The following ITGA6 variants were observed in gnomAD, a reference collection of about 807,000 sequenced individuals.
ITGA6 encodes the protein integrin alpha-6.
Under a neutral mutation model 133.6 loss-of-function variants are expected in ITGA6, and 63 were observed. The ratio of observed to expected loss-of-function variants is 0.47; its 90% CI spans 0.38 to 0.58. The LOEUF is 0.58. Among genes scored for constraint, ITGA6 ranks in the 20% least tolerant of loss-of-function variants. The pLI is 0.00. For synonymous variants in ITGA6, 434 were observed against 482.0 expected (o/e 0.90, Z 1.30); for missense variants, 1,068 against 1,309.4 (o/e 0.82, Z 2.85).
intron 1 of ITGA6, among the ~76,000 whole-genome samples, chr2:172,464,056 A>G (rs904280339): frequency 3.3e-5 from 5 of 151,956 alleles, no homozygotes; most frequent in East Asian, 1.9e-4. Flanking sequence ...TGTTCCTTCA[A>G]ATGTAGGGTG....
At chr2:172,481,983 C>G (rs1483967572) in intron 11 of ITGA6, among the ~76,000 whole-genome samples, 1 of 152,142 alleles carries the variant, frequency 6.6e-6, no homozygotes, top group African/African-American at 2.4e-5. Context: ...AACAGTGATT[C>G]TTTGACTAGG....
intron 1 of ITGA6, among the ~76,000 whole-genome samples, chr2:172,461,306 T>C (rs1345108302): frequency 6.6e-6 from 1 of 152,244 alleles, no homozygotes; most frequent in African/African-American, 2.4e-5. Context: ...GTTTCTGATA[T>C]GCTGAAATCC....
At chr2:172,473,768 A>G (rs922372953) in intron 5 of ITGA6, among the ~76,000 whole-genome samples, 1 of 152,218 alleles carries the variant, frequency 6.6e-6, no homozygotes, top group African/African-American at 2.4e-5. Context: ...TAGGGTGGAA[A>G]TTGATTCTTA....
At chr2:172,456,562 T>C (rs1685216607) in intron 1 of ITGA6, among the ~76,000 whole-genome samples, 1 of 152,198 alleles carries the variant, frequency 6.6e-6, no homozygotes, top group Non-Finnish European at 1.5e-5. Context: ...AACCTGGACA[T>C]ATGGCCAGCC....
rs547763978 is a variant in ITGA6, at chr2:172,506,205, G to A, written c.*2137G>A. The A allele has an allele frequency of 2.6e-5, 4 of 152,658 alleles. No homozygotes were observed. Among genetic ancestry groups the A allele is most frequent in the East Asian group, 1.9e-4 (1 of 5,190 alleles). The allele number at this position is 152,658 out of a possible 1,614,324, so 9.5% of individuals were successfully genotyped here. On this transcript the variant is annotated 3_prime_UTR_variant, in exon 26 of 26. Transcript: ENST00000684293. ...TTTTTATAAAAGTGTTCATTGTTTC[G>A]TAACACAGCATTGTATATGTGAAGC...
In ITGA6 at chr2:172,427,601, C is replaced by T; in HGVS notation, c.-188C>T. ...TCCAGAGAACAACGGGCTCATTCAG[C>T]GGTCGCGAGCTGCCCGCGAGGGGGA... On this transcript the variant is annotated 5_prime_UTR_variant, in exon 1 of 26. Coordinates refer to ENST00000684293, the MANE Select transcript of ITGA6 (RefSeq NM_000210.4). The T allele has an allele frequency of 7.9e-7, 1 of 1,269,134 alleles. No homozygotes were observed. Among genetic ancestry groups the T allele is most frequent in the South Asian group, 2.7e-5 (1 of 37,484 alleles). The allele number at this position is 1,269,134 out of a possible 1,614,324, so 78.6% of individuals were successfully genotyped here. A position where few individuals can be genotyped will look rare whatever the true frequency, so the allele number is the denominator to read the frequency against.
intron 24 of ITGA6, among the ~76,000 whole-genome samples, chr2:172,500,504 C>T (rs1013731467): frequency 6.6e-6 from 1 of 152,146 alleles, no homozygotes; most frequent in African/African-American, 2.4e-5. Context: ...GTGGCGGGCA[C>T]CTGTAGTCCC....
At chr2:172,472,652 A>G in intron 5 of ITGA6, 2 of 652,478 alleles carry the variant, frequency 3.1e-6, no homozygotes, top group East Asian at 2.7e-5. Context: ...GCTGGCAATG[A>G]GAGCAGCTTG....
chr2:172,460,893 C>T (rs1685403049), intron 1 of ITGA6, among the ~76,000 whole-genome samples: 1 of 152,192 alleles, frequency 6.6e-6, no homozygotes, highest in Admixed American at 6.5e-5. Context: ...TAGCTAGGGG[C>T]AGAATCTTTA....
chr2:172,472,222 C>A (rs1403034552), intron 5 of ITGA6, among the ~76,000 whole-genome samples: 3 of 152,128 alleles, frequency 2.0e-5, no homozygotes, highest in Non-Finnish European at 4.4e-5. Context: ...TACTCAGGAG[C>A]CTGAGGTAGG....
intron 9 of ITGA6, among the ~76,000 whole-genome samples, chr2:172,478,993 A>G (rs919000123): frequency 2.0e-5 from 3 of 152,196 alleles, no homozygotes; most frequent in African/African-American, 4.8e-5. Flanking sequence ...TTAAAAATGC[A>G]CATATTCTTT....
At chr2:172,451,487 T>A (rs1574338347) in intron 1 of ITGA6, among the ~76,000 whole-genome samples, 2 of 151,598 alleles carry the variant, frequency 1.3e-5, no homozygotes, top group Admixed American at 6.6e-5. Flanking sequence ...AAGGGAATGC[T>A]TATGGCAAGC....
At chr2:172,467,586 C>T (rs551582457) in intron 3 of ITGA6, 26 bp downstream of exon 3, 4 of 1,570,018 alleles carry the variant, frequency 2.5e-6, no homozygotes, top group Admixed American at 3.3e-5. Flanking sequence ...CATGTTCATC[C>T]TATACTGTTG....
At chr2:172,480,179 G>C (rs1304856823) in intron 11 of ITGA6, 128 bp downstream of exon 11, 2 of 702,634 alleles carry the variant, frequency 2.8e-6, no homozygotes, top group Non-Finnish European at 5.2e-6. Flanking sequence ...AAAGAATTAA[G>C]TGTATGTTTT....
Position 172,491,180 on chromosome 2 carries a change from G to A in ITGA6, c.2779-41G>A, listed in dbSNP as rs1235177129. 1 of 1,452,488 alleles carries A rather than the reference G, an allele frequency of 6.9e-7. No individual in the cohort carries two copies. Among genetic ancestry groups the A allele is most frequent in the East Asian group, 2.3e-5 (1 of 44,156 alleles). The allele number at this position is 1,452,488 out of a possible 1,614,324, so 90.0% of individuals were successfully genotyped here. On this transcript the variant is annotated intron_variant, in intron 21 of 25. Coordinates refer to ENST00000684293, the MANE Select transcript of ITGA6 (RefSeq NM_000210.4). This position sits in a 1 kb window ranked among gnomAD's most constrained non-coding sequence, Gnocchi z 4.4. ...GAGGATGAGGGGAAGGATTTCTTCA[G>A]AACAATGTCTTTTGATGACCATTCT...
rs1019898089 is a variant in ITGA6, at chr2:172,427,736, G to A, written c.-53G>A. 1.3e-5 allele frequency: 20 copies of A among 1,505,792 alleles called. No individual in the cohort carries two copies. The highest frequency in any genetic ancestry group is 1.7e-5 in the Non-Finnish European group (19 of 1,126,972). The allele number at this position is 1,505,792 out of a possible 1,614,324, so 93.3% of individuals were successfully genotyped here. On this transcript the variant is annotated 5_prime_UTR_variant, in exon 1 of 26. Coordinates refer to ENST00000684293, the MANE Select transcript of ITGA6 (RefSeq NM_000210.4). ...AGCGCGGCAGCCTCGGACCCAGCCC[G>A]GAGCGCAGGGCGGCCGCTGCAGGTC...
At chr2:172,444,958 G>C (rs1029064982) in intron 1 of ITGA6, among the ~76,000 whole-genome samples, 3 of 141,606 alleles carry the variant, frequency 2.1e-5, no homozygotes, top group Non-Finnish European at 3.0e-5. Flanking sequence ...CTTGATTTCT[G>C]TAGGTTTTGT....
intron 23 of ITGA6, among the ~76,000 whole-genome samples, chr2:172,494,476 C>A (rs913893934): frequency 5.9e-5 from 9 of 152,086 alleles, no homozygotes; most frequent in African/African-American, 2.2e-4. Context: ...CCACTACACT[C>A]CAGCCAGGAC....
intron 1 of ITGA6, among the ~76,000 whole-genome samples, chr2:172,456,819 T>G (rs868515589): frequency 3.3e-5 from 5 of 152,350 alleles, no homozygotes; most frequent in Middle Eastern, 3.4e-3. Flanking sequence ...AAAATTATTC[T>G]CCTTGTATTT....
Sources: allele counts gnomAD v4.1 joint callset (sites outside exome capture counted in the v4.1 genomes callset), GRCh38; gene constraint gnomAD v4.1.1; non-coding constraint Gnocchi (gnomAD v3.1); transcripts MANE v1.5; gene names NCBI Gene and HGNC (gene_info 2026-07-23, HGNC 2026-07-21).